Variants in AOX1 observed in about 807,000 individuals in gnomAD.
AOX1 encodes aldehyde oxidase 1.
Under a neutral mutation model 169.5 loss-of-function variants are expected in AOX1, and 153 were observed. That is an observed-to-expected ratio of 0.90 (90% CI 0.79 to 1.03). AOX1 has a LOEUF of 1.03. Ranked by LOEUF, AOX1 falls within the 50% of genes least tolerant of loss-of-function variation. The probability of loss-of-function intolerance (pLI) is 0.00; values close to 1 mark genes in which losing one functional copy is unlikely to be tolerated. For missense variants in AOX1, 1,656 were observed against 1,663.9 expected, an observed-to-expected ratio of 1.00 and a Z score of 0.08; for synonymous variants, 562 against 581.9, an observed-to-expected ratio of 0.97 and a Z score of 0.49.
chr2:200,623,259 C>T (rs1179205234), intron 18 of AOX1, among the ~76,000 whole-genome samples: 3 of 152,208 alleles, frequency 2.0e-5, no homozygotes, highest in Non-Finnish European at 4.4e-5. Flanking sequence ...CCTGTGTGAA[C>T]TCCTGAGCCT....
At chr2:200,682,003 C>G (rs368140931), downstream of AOX1, among the ~76,000 whole-genome samples, 43 of 151,916 alleles carry the variant, frequency 2.8e-4, no homozygotes, top group South Asian at 1.7e-3. Context: ...AAATCATAGA[C>G]TCTTAGGAAT....
chr2:200,601,249 T>A (rs1229158119), intron 5 of AOX1, among the ~76,000 whole-genome samples: 5 of 152,072 alleles, frequency 3.3e-5, no homozygotes, highest in Non-Finnish European at 7.4e-5. Flanking sequence ...ATATGAGGAA[T>A]CTAAAGTAGT....
rs574799307 is a variant in AOX1, at chr2:200,624,148, C to A, written c.2124+165C>A. Among the ~76,000 whole-genome samples, 74 of 152,346 alleles carry A rather than the reference C, an allele frequency of 4.9e-4. 1 individual carries two copies. The highest frequency in any genetic ancestry group is 1.8e-3 in the Admixed American group (28 of 15,312). ...TCAGTATTAACAATTTCCCCAAGGA[C>A]ATGGCTTCTTTTTGCCACTCTTCTC... On this transcript the variant is annotated intron_variant, in intron 19 of 34. Coordinates refer to ENST00000374700, the MANE Select transcript of AOX1 (RefSeq NM_001159.4).
intron 1 of AOX1, among the ~76,000 whole-genome samples, chr2:200,589,195 C>T (rs1347550416): frequency 8.5e-5 from 13 of 152,154 alleles, no homozygotes; most frequent in Non-Finnish European, 1.9e-4. Flanking sequence ...AAGGTAACGA[C>T]ATCTGGAGGC....
In AOX1 at chr2:200,668,772, C is replaced by T; in HGVS notation, c.3767C>T (p.Ser1256Phe). The T allele has an allele frequency of 6.2e-7, 1 of 1,614,110 alleles. No homozygotes were observed. The highest frequency in any genetic ancestry group is 8.5e-7 in the Non-Finnish European group (1 of 1,180,018). Residue 1256 changes from serine to phenylalanine, a missense_variant, in exon 33 of 35, where the codon TCT becomes TTT. Coordinates refer to ENST00000374700, the MANE Select transcript of AOX1 (RefSeq NM_001159.4). ...TELHIALLPPSQNSNTLYSSK... is the reference protein window; with the variant it reads ...TELHIALLPPFQNSNTLYSSK... ...TTGCACATTGCTTTGTTGCCTCCTT[C>T]TCAAAACTCAAATACTCTTTATTCA...
Position 200,661,125 on chromosome 2 carries a change from A to T in AOX1, c.3376-454A>T, listed in dbSNP as rs1024872031. 2.6e-5 allele frequency among the ~76,000 whole-genome samples: 4 copies of T among 152,310 alleles called. No individual in the cohort carries two copies. The South Asian group carries it at 8.3e-4, about 32-fold the overall frequency. The stretch of plus-strand genomic sequence containing the variant: ...GTAAATGGTACAATTTAGCAAAATT[A>T]TTCCCCTCACCTGAAACAAATGTGT... On this transcript the variant is annotated intron_variant, in intron 29 of 34. Transcript: ENST00000374700.
At chr2:200,599,792 A>G (rs1442122291) in intron 5 of AOX1, 46 bp downstream of exon 5, 2 of 1,344,504 alleles carry the variant, frequency 1.5e-6, no homozygotes, top group South Asian at 2.0e-5. Flanking sequence ...TTATTTATTT[A>G]TTTATTTTTT....
chr2:200,621,479 T>C (rs984765193), intron 18 of AOX1, among the ~76,000 whole-genome samples: 1 of 152,208 alleles, frequency 6.6e-6, no homozygotes, highest in African/African-American at 2.4e-5. Context: ...CATTTTCTAA[T>C]AGTGAGATGG....
At chr2:200,668,883 C>A (rs1341188345) in intron 33 of AOX1, 80 bp downstream of exon 33, 18 of 1,257,536 alleles carry the variant, frequency 1.4e-5, no homozygotes, top group Non-Finnish European at 1.8e-5. Flanking sequence ...CCTCTCTTGG[C>A]TGTTTGGGAT....
At chr2:200,638,051 C>A (rs919819672) in intron 22 of AOX1, 164 bp from the exon 23 acceptor site, 11 of 577,542 alleles carry the variant, frequency 1.9e-5, no homozygotes, top group Non-Finnish European at 3.4e-5. Flanking sequence ...GGAGGAAAGC[C>A]CACGGTGTAT....
rs2035790795 is a variant in AOX1 at position 200,660,042 on chromosome 2, G to A, written c.3348G>A (p.Lys1116=). ...AACGCCTCGAACCCATCATCAGCAA[G>A]AATCCTAAAGGAACTTGGAAAGACT... The part of the protein sequence containing the change: ...LLKRLEPIIS[K]NPKGTWKDWA... The change falls in exon 29 of 35, where the codon AAG becomes AAA. Residue 1116 remains lysine, a synonymous_variant. Coordinates refer to ENST00000374700, the MANE Select transcript of AOX1 (RefSeq NM_001159.4). 1 of 1,613,818 alleles carries A rather than the reference G, an allele frequency of 6.2e-7. No individual in the cohort carries two copies. The highest frequency in any genetic ancestry group is 8.5e-7 in the Non-Finnish European group (1 of 1,179,910).
intron 4 of AOX1, among the ~76,000 whole-genome samples, chr2:200,598,529 G>A (rs2034335912): frequency 6.6e-6 from 1 of 152,142 alleles, no homozygotes; most frequent in African/African-American, 2.4e-5. Context: ...CAGATCACGA[G>A]CTCAAGAGAT....
At chr2:200,593,318 A>C in intron 2 of AOX1, 115 bp downstream of exon 2, 1 of 871,060 alleles carries the variant, frequency 1.1e-6, no homozygotes, top group South Asian at 1.6e-5. Flanking sequence ...ATTCCCTACT[A>C]TCATGGTTTT....
chr2:200,641,530 A>T (rs1012764437), intron 24 of AOX1, among the ~76,000 whole-genome samples: 2 of 151,974 alleles, frequency 1.3e-5, no homozygotes, highest in African/African-American at 4.8e-5. Context: ...GCCTCTACTT[A>T]GTAGGTGTCA....
chr2:200,666,826 C>A, intron 32 of AOX1, 74 bp downstream of exon 32: 1 of 1,012,694 alleles, frequency 9.9e-7, no homozygotes, highest in Non-Finnish European at 1.5e-6. Flanking sequence ...GGAGAGCATT[C>A]CATCAGTCTT....
chr2:200,663,566 ACACACACT>A (rs2035868784), intron 31 of AOX1, among the ~76,000 whole-genome samples: 1 of 127,182 alleles, frequency 7.9e-6, no homozygotes, highest in African/African-American at 2.9e-5. Flanking sequence ...ACACACACAC[ACACACACT>A]CTCTCTCTCT....
In AOX1 at chr2:200,638,296, G is replaced by A; in HGVS notation, c.2562G>A (p.Lys854=). 1 of 1,613,502 alleles carries A rather than the reference G, an allele frequency of 6.2e-7. No individual in the cohort carries two copies. The highest frequency in any genetic ancestry group is 8.5e-7 in the Non-Finnish European group (1 of 1,179,536). Residue 854 remains lysine, a synonymous_variant, in exon 23 of 35, where the codon AAG becomes AAA. Coordinates refer to ENST00000374700, the MANE Select transcript of AOX1 (RefSeq NM_001159.4). ...ITGGRHPYLG[K]YKAGFMNDGR... is the part of the protein sequence containing the mutation. ...GAGGCCGCCATCCTTACCTTGGAAA[G>A]TACAAAGTGAGTACAAGAGGGCATG... is the stretch of plus-strand genomic sequence containing the variant.
chr2:200,648,628 G>A (rs547204692), intron 25 of AOX1, among the ~76,000 whole-genome samples: 10 of 152,282 alleles, frequency 6.6e-5, no homozygotes, highest in South Asian at 2.1e-4. Flanking sequence ...AGGGATTGGC[G>A]GTGGGCAGGG....
chr2:200,599,331 G>A (rs563747713), intron 4 of AOX1, among the ~76,000 whole-genome samples: 10 of 152,292 alleles, frequency 6.6e-5, no homozygotes, highest in African/African-American at 1.9e-4. Context: ...GACTCTGTCA[G>A]TTGGTTTGTG....
Sources: allele counts gnomAD v4.1 joint callset (sites outside exome capture counted in the v4.1 genomes callset), GRCh38; gene constraint gnomAD v4.1.1; transcripts MANE v1.5; gene names NCBI Gene and HGNC (gene_info 2026-07-23, HGNC 2026-07-21).